Variants in SNX10 observed in about 807,000 individuals in gnomAD.
SNX10 encodes the protein sorting nexin-10.
A neutral mutation model predicts 28.5 loss-of-function variants in SNX10; 25 were observed. The observed-to-expected ratio is 0.88, with a 90% CI of 0.64 to 1.22. The LOEUF (loss-of-function observed/expected upper bound fraction) is 1.22. Ranked by LOEUF, SNX10 falls within the 50% of genes most tolerant of loss-of-function variation. The probability of loss-of-function intolerance (pLI) is 0.00; values close to 1 mark genes in which losing one functional copy is unlikely to be tolerated. For missense variants in SNX10, 223 were observed against 242.6 expected (o/e 0.92, Z 0.54); for synonymous variants, 62 against 81.4 (o/e 0.76, Z 1.28).
At chr7:26,322,128 G>A (rs894080470) in intron 1 of SNX10, among the ~76,000 whole-genome samples, 2 of 151,396 alleles carry the variant, frequency 1.3e-5, no homozygotes, top group South Asian at 4.2e-4. Context: ...CAGGCAGCCC[G>A]TCCTACCAGA....
chr7:26,334,887 A>G (rs1011283163), intron 1 of SNX10, among the ~76,000 whole-genome samples: 1 of 152,152 alleles, frequency 6.6e-6, no homozygotes, highest in Non-Finnish European at 1.5e-5. Context: ...GAGGGAGACA[A>G]TTTGGGCCTG....
chr7:26,329,687 C>G (rs1192463627), intron 1 of SNX10, among the ~76,000 whole-genome samples: 1 of 152,138 alleles, frequency 6.6e-6, no homozygotes, highest in African/African-American at 2.4e-5. Flanking sequence ...GAGGAACCTG[C>G]TTGAGGAACA....
intron 1 of SNX10, among the ~76,000 whole-genome samples, chr7:26,332,932 T>C (rs1787797884): frequency 6.6e-6 from 1 of 152,200 alleles, no homozygotes. Context: ...CTTTGATCTG[T>C]TTGTTTGTAC....
At chr7:26,309,556 C>T (rs1464063359) in intron 1 of SNX10, among the ~76,000 whole-genome samples, 2 of 152,064 alleles carry the variant, frequency 1.3e-5, no homozygotes, top group Non-Finnish European at 2.9e-5. Flanking sequence ...TACCTCTTTT[C>T]GGAAGATAAG....
At position 26,373,170 on chromosome 7, in the gene SNX10, G is replaced by C. The variant is rs1377413268; in HGVS notation, c.*598G>C. The C allele has an allele frequency of 6.6e-6, 1 of 151,984 alleles. No homozygotes were observed. The highest frequency in any genetic ancestry group is 6.6e-5 in the Admixed American group (1 of 15,256). The allele number at this position is 151,984 out of a possible 1,614,324, so 9.4% of individuals were successfully genotyped here. ...GATGGAAATGTATCTTATGAATAGA[G>C]ACATATTAAAATAATGTTTACATCT... On this transcript the variant is annotated 3_prime_UTR_variant, in exon 7 of 7. Transcript: ENST00000338523. The surrounding 1 kb of genome is among the most constrained non-coding windows in gnomAD (Gnocchi z 4.2).
At chr7:26,330,560 C>T (rs990766411) in intron 1 of SNX10, among the ~76,000 whole-genome samples, 2 of 151,872 alleles carry the variant, frequency 1.3e-5, no homozygotes, top group African/African-American at 4.8e-5. Flanking sequence ...GTTCCCGAGG[C>T]ATAGTGGAAG....
At chr7:26,318,160 T>A (rs1787165036) in intron 1 of SNX10, among the ~76,000 whole-genome samples, 1 of 152,222 alleles carries the variant, frequency 6.6e-6, no homozygotes, top group Non-Finnish European at 1.5e-5. Flanking sequence ...CAATCTTGAA[T>A]AGCCAGGCTA....
intron 1 of SNX10, among the ~76,000 whole-genome samples, chr7:26,297,670 G>T (rs1584082676): frequency 6.6e-6 from 1 of 152,030 alleles, no homozygotes. Flanking sequence ...GCAGGAAACA[G>T]ATTTTTCAGG....
At chr7:26,372,120 C>G (rs534843919) in intron 6 of SNX10, 87 bp downstream of exon 6, 10 of 855,514 alleles carry the variant, frequency 1.2e-5, no homozygotes, top group African/African-American at 1.0e-4. Flanking sequence ...TATATACACA[C>G]TTCACTTTTT....
intron 1 of SNX10, among the ~76,000 whole-genome samples, chr7:26,333,353 C>T (rs1469452286): frequency 2.5e-5 from 3 of 121,590 alleles, no homozygotes; most frequent in Non-Finnish European, 3.2e-5. Flanking sequence ...GAGACAGAGT[C>T]TGGCTCTGTC....
At chr7:26,314,106 C>G (rs1769898310) in intron 1 of SNX10, among the ~76,000 whole-genome samples, 1 of 152,200 alleles carries the variant, frequency 6.6e-6, no homozygotes, top group Non-Finnish European at 1.5e-5. Flanking sequence ...GCCGCCACGC[C>G]TGGCCCAAGA....
At chr7:26,340,901 A>G (rs1416190457) in intron 1 of SNX10, among the ~76,000 whole-genome samples, 1 of 152,198 alleles carries the variant, frequency 6.6e-6, no homozygotes, top group Non-Finnish European at 1.5e-5. Context: ...GTAGTTAGGA[A>G]TACAGGTGTG....
At chr7:26,369,845 G>A (rs77225694) in intron 5 of SNX10, among the ~76,000 whole-genome samples, 1,905 of 152,294 alleles carry the variant, frequency 0.013, 46 homozygotes, top group African/African-American at 0.044. Flanking sequence ...CGATCAACCT[G>A]GACTCTGATC....
chr7:26,306,792 T>A (rs545103110), intron 1 of SNX10, among the ~76,000 whole-genome samples: 36 of 152,306 alleles, frequency 2.4e-4, no homozygotes, highest in Middle Eastern at 3.4e-3. Context: ...AGTCTGAGAA[T>A]GAACAGTGAC....
intron 1 of SNX10, among the ~76,000 whole-genome samples, chr7:26,315,985 A>G (rs1045938371): frequency 2.0e-5 from 3 of 151,954 alleles, no homozygotes; most frequent in Non-Finnish European, 2.9e-5. Flanking sequence ...GATCGAGACC[A>G]TCCTGGCTAA....
intron 1 of SNX10, among the ~76,000 whole-genome samples, chr7:26,323,455 C>T (rs1013157293): frequency 1.3e-5 from 2 of 151,848 alleles, no homozygotes; most frequent in East Asian, 1.9e-4. Flanking sequence ...GCACTTGGTG[C>T]GTGGGACAGC....
chr7:26,357,058 G>T, intron 2 of SNX10: 1 of 1,227,462 alleles, frequency 8.1e-7, no homozygotes, highest in African/African-American at 1.5e-5. Context: ...GATGTATGAG[G>T]CATTCAAGTC....
intron 1 of SNX10, among the ~76,000 whole-genome samples, chr7:26,305,365 A>G (rs549123512): frequency 6.6e-6 from 1 of 152,300 alleles, no homozygotes; most frequent in African/African-American, 2.4e-5. Context: ...TATAAATACA[A>G]ACACACACAA....
chr7:26,317,891 G>A (rs1289698723), intron 1 of SNX10, among the ~76,000 whole-genome samples: 1 of 152,078 alleles, frequency 6.6e-6, no homozygotes, highest in Non-Finnish European at 1.5e-5. Flanking sequence ...TTGAACTCCT[G>A]ACTTCATAAT....
Sources: gnomAD v4.1 joint callset for allele counts (sites outside exome capture counted in the v4.1 genomes callset) on GRCh38, gnomAD v4.1.1 for gene constraint, Gnocchi (gnomAD v3.1) non-coding constraint, MANE v1.5 for transcripts, NCBI Gene and HGNC (gene_info 2026-07-23, HGNC 2026-07-21) for gene names.